PRTFDC1: variants seen among roughly 807,000 people sequenced by gnomAD.
PRTFDC1 encodes phosphoribosyltransferase domain-containing protein 1.
In PRTFDC1, 38 loss-of-function variants were observed where a neutral mutation model predicts 34.6. The observed-to-expected ratio is 1.10, with a 90% confidence interval of 0.85 to 1.44. The LOEUF is 1.44. Among genes scored for constraint, PRTFDC1 ranks in the 40% most tolerant of loss-of-function variants. PRTFDC1 has a pLI of 0.00. For synonymous variants in PRTFDC1, 93 were observed against 98.1 expected (o/e 0.95, Z 0.31); for missense variants, 270 against 283.0 (o/e 0.95, Z 0.33).
In PRTFDC1 at chr10:24,855,361, C is replaced by G; in HGVS notation, c.510G>C (p.Leu170Phe). 1.2e-6 allele frequency: 2 copies of G among 1,613,982 alleles called. No homozygotes were observed. Among genetic ancestry groups the G allele is most frequent in the Non-Finnish European group, 1.7e-6 (2 of 1,179,944 alleles). The stretch of plus-strand genomic sequence containing the variant: ...CACTTCTGGATGTTCTCTTCACCAA[C>G]AAACTACCATTAAAAAAGACATGCT... ...YKPNMIKVASLLVKRTSRSDG... is the reference protein window; with the variant it reads ...YKPNMIKVASFLVKRTSRSDG... Residue 170 changes from leucine (L) to phenylalanine (F), a missense_variant, in exon 7 of 9, where the codon TTG becomes TTC. Coordinates refer to ENST00000320152, the MANE Select transcript of PRTFDC1 (RefSeq NM_020200.7).
At chr10:24,854,639 A>G (rs1847542456) in intron 7 of PRTFDC1, among the ~76,000 whole-genome samples, 1 of 152,214 alleles carries the variant, frequency 6.6e-6, no homozygotes, top group Non-Finnish European at 1.5e-5. Flanking sequence ...TCTTGGTGTT[A>G]GAACTAGGCT....
chr10:24,937,575 T>A (rs1411924189), intron 2 of PRTFDC1, among the ~76,000 whole-genome samples: 10 of 122,206 alleles, frequency 8.2e-5, no homozygotes, highest in African/African-American at 1.3e-4. Context: ...TTTTTTTTTT[T>A]AAGATGGAGT....
chr10:24,932,215 C>CAAA (rs937102699), intron 3 of PRTFDC1, among the ~76,000 whole-genome samples: 1 of 151,730 alleles, frequency 6.6e-6, no homozygotes, highest in African/African-American at 2.4e-5. Flanking sequence ...TTCAAAAAAC[C>CAAA]AACAGTCAGT....
chr10:24,929,553 T>G (rs1235087277), intron 3 of PRTFDC1, among the ~76,000 whole-genome samples: 1 of 152,178 alleles, frequency 6.6e-6, no homozygotes, highest in Non-Finnish European at 1.5e-5. Context: ...TAAAATAACA[T>G]TCATCCTCAA....
chr10:24,864,629 T>C lies in PRTFDC1; in HGVS notation c.406-6220A>G, dbSNP rs541129116. Reference sequence around the variant, plus strand: ...TGTGCCTTATTTTTTAGACATAATGTTATCACACACTTAGTAGACTACCAT... The same window carrying C: ...TGTGCCTTATTTTTTAGACATAATGCTATCACACACTTAGTAGACTACCAT... On this transcript the variant is annotated intron_variant, in intron 4 of 8. Coordinates refer to ENST00000320152, the MANE Select transcript of PRTFDC1 (RefSeq NM_020200.7). Among the ~76,000 whole-genome samples the C allele has an allele frequency of 2.6e-5, 4 of 152,334 alleles. No individual in the cohort carries two copies. In the South Asian group the frequency reaches 8.3e-4, roughly 32 times the overall value.
At chr10:24,861,240 C>T (rs1312499947) in intron 4 of PRTFDC1, among the ~76,000 whole-genome samples, 1 of 152,144 alleles carries the variant, frequency 6.6e-6, no homozygotes, top group Non-Finnish European at 1.5e-5. Context: ...GTGGCTCACA[C>T]CTGTAATCCC....
intron 1 of PRTFDC1, among the ~76,000 whole-genome samples, chr10:24,949,883 C>A (rs573915497): frequency 6.8e-4 from 104 of 152,140 alleles, no homozygotes; most frequent in African/African-American, 2.3e-3. Context: ...TACAGGCATG[C>A]ACTACCATGC....
At chr10:24,856,879 C>A (rs1206552978) in intron 6 of PRTFDC1, 34 bp downstream of exon 6, 1 of 1,556,266 alleles carries the variant, frequency 6.4e-7, no homozygotes, top group Non-Finnish European at 8.9e-7. Flanking sequence ...GCTTGGAAAA[C>A]TAGAAATCAC....
At chr10:24,909,182 G>C (rs942461451) in intron 3 of PRTFDC1, among the ~76,000 whole-genome samples, 6 of 152,154 alleles carry the variant, frequency 3.9e-5, no homozygotes, top group Non-Finnish European at 7.3e-5. Flanking sequence ...TTGGGAGACT[G>C]AGATAGGAGG....
chr10:24,944,461 C>A (rs1437884278), intron 1 of PRTFDC1, among the ~76,000 whole-genome samples: 2 of 152,124 alleles, frequency 1.3e-5, no homozygotes, highest in East Asian at 3.9e-4. Context: ...TGCAGCCCCT[C>A]CACATGGAAG....
intron 1 of PRTFDC1, among the ~76,000 whole-genome samples, chr10:24,947,598 T>C (rs977447764): frequency 6.6e-6 from 1 of 152,190 alleles, no homozygotes; most frequent in Admixed American, 6.5e-5. Flanking sequence ...GCACTGAAGA[T>C]GCACTGAAAA....
At chr10:24,915,818 A>G (rs1056032717) in intron 3 of PRTFDC1, among the ~76,000 whole-genome samples, 1 of 152,160 alleles carries the variant, frequency 6.6e-6, no homozygotes, top group African/African-American at 2.4e-5. Flanking sequence ...AGCTCCAGGT[A>G]TCAGTCCTTA....
chr10:24,910,032 A>G (rs1848604026), intron 3 of PRTFDC1, among the ~76,000 whole-genome samples: 1 of 151,350 alleles, frequency 6.6e-6, no homozygotes, highest in African/African-American at 2.4e-5. Flanking sequence ...ATGGTGGTAC[A>G]TGCCTGTAAC....
intron 3 of PRTFDC1, among the ~76,000 whole-genome samples, chr10:24,915,909 G>T (rs557432895): frequency 1.3e-5 from 2 of 152,048 alleles, no homozygotes; most frequent in Admixed American, 6.5e-5. Flanking sequence ...CATTGACCAC[G>T]TTTAAACAAA....
chr10:24,940,138 G>T (rs1459136040), intron 2 of PRTFDC1, among the ~76,000 whole-genome samples: 1 of 152,166 alleles, frequency 6.6e-6, no homozygotes, highest in Non-Finnish European at 1.5e-5. Context: ...GTAATTGACA[G>T]GTCCAACAGT....
intron 3 of PRTFDC1, among the ~76,000 whole-genome samples, chr10:24,897,816 A>G (rs1364875756): frequency 6.6e-6 from 1 of 152,232 alleles, no homozygotes; most frequent in East Asian, 1.9e-4. Flanking sequence ...ACTGTTTGGC[A>G]GGGAAATTTG....
At chr10:24,940,698 A>G (rs1163637943) in intron 2 of PRTFDC1, among the ~76,000 whole-genome samples, 2 of 152,244 alleles carry the variant, frequency 1.3e-5, no homozygotes, top group East Asian at 3.8e-4. Context: ...AATCCATCCA[A>G]GAGAAATGAA....
intron 3 of PRTFDC1, among the ~76,000 whole-genome samples, chr10:24,934,713 G>A (rs983446297): frequency 4.6e-5 from 7 of 152,224 alleles, no homozygotes; most frequent in Non-Finnish European, 1.0e-4. Context: ...CCGAACCAAC[G>A]TACACTGTAC....
intron 1 of PRTFDC1, among the ~76,000 whole-genome samples, chr10:24,946,165 G>A (rs570912548): frequency 1.6e-4 from 25 of 151,922 alleles, no homozygotes; most frequent in African/African-American, 4.6e-4. Context: ...TACTGCCCCC[G>A]TTCTGGTTGA....
Sources: allele counts gnomAD v4.1 joint callset (sites outside exome capture counted in the v4.1 genomes callset), GRCh38; gene constraint gnomAD v4.1.1; transcripts MANE v1.5; gene names NCBI Gene and HGNC (gene_info 2026-07-23, HGNC 2026-07-21).